The following UST variants were observed in gnomAD, a reference collection of about 807,000 sequenced individuals.
UST encodes uronyl 2-sulfotransferase.
In UST, 21 loss-of-function variants were observed where a neutral mutation model predicts 45.6. The observed-to-expected ratio is 0.46, with a 90% CI of 0.33 to 0.66. UST has a LOEUF of 0.66. UST is among the 30% of genes least tolerant of loss of function. The probability of loss-of-function intolerance (pLI) is 0.02; values close to 1 mark genes in which losing one functional copy is unlikely to be tolerated. For synonymous variants in UST, 215 were observed against 200.6 expected, an observed-to-expected ratio of 1.07 and a Z score of -0.61; for missense variants, 463 against 512.4, an observed-to-expected ratio of 0.90 and a Z score of 0.93.
intron 1 of UST, among the ~76,000 whole-genome samples, chr6:148,798,656 G>A (rs1054651231): frequency 6.6e-6 from 1 of 152,130 alleles, no homozygotes; most frequent in African/African-American, 2.4e-5. Context: ...GGACAACCAG[G>A]ACAGTGATGT....
At chr6:148,764,426 C>G (rs1260343124) in intron 1 of UST, among the ~76,000 whole-genome samples, 2 of 152,150 alleles carry the variant, frequency 1.3e-5, no homozygotes, top group Middle Eastern at 3.2e-3. Flanking sequence ...AAGATCATGT[C>G]ATCAGCCAAC....
At chr6:149,071,866 A>G (rs1776824038) in intron 7 of UST, among the ~76,000 whole-genome samples, 2 of 152,242 alleles carry the variant, frequency 1.3e-5, no homozygotes, top group Non-Finnish European at 2.9e-5. Flanking sequence ...AGATATACAA[A>G]CAAACAGCAT....
chr6:148,997,624 T>C (rs1352986660), intron 5 of UST, among the ~76,000 whole-genome samples: 1 of 152,226 alleles, frequency 6.6e-6, no homozygotes, highest in Admixed American at 6.5e-5. Flanking sequence ...TCATATCCTC[T>C]GAAGATGAGA....
intron 2 of UST, among the ~76,000 whole-genome samples, chr6:148,893,227 T>C (rs1430254837): frequency 6.6e-6 from 1 of 152,216 alleles, no homozygotes; most frequent in Admixed American, 6.5e-5. Flanking sequence ...TAAAATGGGT[T>C]CATTAGAAGG....
At chr6:149,030,186 C>A (rs1372746865) in intron 7 of UST, among the ~76,000 whole-genome samples, 2 of 152,100 alleles carry the variant, frequency 1.3e-5, no homozygotes, top group African/African-American at 2.4e-5. Flanking sequence ...CTCGCCAAGT[C>A]CTAAGGGACA....
At chr6:149,025,028 T>C (rs1339404233) in intron 7 of UST, among the ~76,000 whole-genome samples, 2 of 152,170 alleles carry the variant, frequency 1.3e-5, no homozygotes, top group African/African-American at 4.8e-5. Flanking sequence ...ACCAGTCTCA[T>C]TACAGAAGAA....
intron 1 of UST, among the ~76,000 whole-genome samples, chr6:148,837,115 TG>T (rs1183456536): frequency 1.3e-5 from 2 of 152,198 alleles, no homozygotes; most frequent in African/African-American, 4.8e-5. Context: ...ATATATATAC[TG>T]TGATGTGTGT....
intron 1 of UST, among the ~76,000 whole-genome samples, chr6:148,820,852 C>CAAA (rs1212781868): frequency 4.5e-5 from 3 of 66,688 alleles, no homozygotes; most frequent in African/African-American, 1.0e-4. Context: ...GACTCCATCT[C>CAAA]AAAAAAAAAA....
chr6:148,747,452 C>T lies in UST; in HGVS notation c.22C>T (p.Pro8Ser). The T allele has an allele frequency of 7.0e-7, 1 of 1,426,768 alleles. No homozygotes were observed. The highest frequency in any genetic ancestry group is 9.2e-7 in the Non-Finnish European group (1 of 1,088,146). The allele number at this position is 1,426,768 out of a possible 1,614,324, so 88.4% of individuals were successfully genotyped here. A position where few individuals can be genotyped will look rare whatever the true frequency, so the allele number is the denominator to read the frequency against. MKKKQQH[P>S]GGGADPWPHG... ...GGCGATGAAGAAGAAGCAGCAGCAT[C>T]CCGGCGGCGGCGCGGATCCCTGGCC... Residue 8 changes from proline (P) to serine (S), a missense_variant, in exon 1 of 8, where the codon CCC becomes TCC. Physicochemically the swap from Pro to Ser is moderately conservative, Grantham distance 74. Around this residue, in one of 2 missense-constraint regions of UST, gnomAD observed 176 missense variants for 138.3 expected, o/e 1.27. Transcript: ENST00000367463.
intron 1 of UST, among the ~76,000 whole-genome samples, chr6:148,857,253 A>G (rs1001386624): frequency 6.6e-6 from 1 of 152,188 alleles, no homozygotes; most frequent in Non-Finnish European, 1.5e-5. Flanking sequence ...TCTCACGGTC[A>G]GAGCCCCCTA....
At chr6:148,819,874 CT>C (rs1777423458) in intron 1 of UST, among the ~76,000 whole-genome samples, 1 of 152,216 alleles carries the variant, frequency 6.6e-6, no homozygotes, top group African/African-American at 2.4e-5. Flanking sequence ...TCTACACCTC[CT>C]TCCATGAAAC....
intron 5 of UST, among the ~76,000 whole-genome samples, chr6:149,016,845 C>G (rs1775904669): frequency 6.6e-6 from 1 of 152,210 alleles, no homozygotes; most frequent in Non-Finnish European, 1.5e-5. Flanking sequence ...GGCTCTGCTT[C>G]TCACCCAGCT....
intron 5 of UST, among the ~76,000 whole-genome samples, chr6:149,012,586 AC>A (rs1034576265): frequency 6.6e-6 from 1 of 152,210 alleles, no homozygotes; most frequent in Non-Finnish European, 1.5e-5. Flanking sequence ...TTTTAAGTCC[AC>A]ATTGAAAAAG....
At chr6:148,804,189 C>T (rs118175285) in intron 1 of UST, among the ~76,000 whole-genome samples, 3,581 of 152,254 alleles carry the variant, frequency 0.024, 54 homozygotes, top group Non-Finnish European at 0.034. Context: ...GAGTCATTGT[C>T]GTATCAGGAG....
intron 7 of UST, among the ~76,000 whole-genome samples, chr6:149,042,436 T>C (rs1776327463): frequency 6.6e-6 from 1 of 152,206 alleles, no homozygotes; most frequent in Admixed American, 6.5e-5. Context: ...AAATCTTGGC[T>C]GCCGTGGGAT....
chr6:148,763,028 A>T (rs543305557), intron 1 of UST, among the ~76,000 whole-genome samples: 1 of 152,308 alleles, frequency 6.6e-6, no homozygotes, highest in African/African-American at 2.4e-5. Flanking sequence ...CAGTAGTGGG[A>T]TTGCTGGGTC....
intron 1 of UST, among the ~76,000 whole-genome samples, chr6:148,809,947 A>G (rs182749879): frequency 6.6e-6 from 1 of 152,336 alleles, no homozygotes; most frequent in Non-Finnish European, 1.5e-5. Context: ...CTGCAACAGT[A>G]TCATGTACAG....
chr6:148,995,627 C>T (rs1426719654), intron 5 of UST, among the ~76,000 whole-genome samples: 1 of 152,246 alleles, frequency 6.6e-6, no homozygotes, highest in Non-Finnish European at 1.5e-5. Context: ...CTGTGGGTCA[C>T]ATGTGACTTG....
intron 1 of UST, among the ~76,000 whole-genome samples, chr6:148,825,526 T>C (rs1777553774): frequency 6.6e-6 from 1 of 152,220 alleles, no homozygotes; most frequent in African/African-American, 2.4e-5. Context: ...TTATGGCTTA[T>C]TGTCTGTACT....
Sources: allele counts gnomAD v4.1 joint callset (sites outside exome capture counted in the v4.1 genomes callset), GRCh38; gene constraint gnomAD v4.1.1; regional missense constraint gnomAD v4.1.1; transcripts MANE v1.5; gene names NCBI Gene and HGNC (gene_info 2026-07-23, HGNC 2026-07-21).